ATP9A: variants seen among roughly 807,000 people sequenced by gnomAD.
ATP9A encodes the protein ATPase phospholipid transporting 9A, also known as probable phospholipid-transporting ATPase IIA.
Under a neutral mutation model 144.1 loss-of-function variants are expected in ATP9A, and 52 were observed. That is an observed-to-expected ratio of 0.36 (90% CI 0.29 to 0.45). ATP9A has a LOEUF of 0.45. ATP9A is among the 20% of genes least tolerant of loss of function. ATP9A has a pLI of 1.00. For synonymous variants in ATP9A, 582 were observed against 557.4 expected, an observed-to-expected ratio of 1.04 and a Z score of -0.62; for missense variants, 947 against 1,392.7, an observed-to-expected ratio of 0.68 and a Z score of 5.09.
chr20:51,628,032 C>T (rs2077256524), intron 16 of ATP9A, among the ~76,000 whole-genome samples: 1 of 152,164 alleles, frequency 6.6e-6, no homozygotes, highest in African/African-American at 2.4e-5. Context: ...TCCCAAATAA[C>T]CACAATCAAT....
chr20:51,722,371 A>G (rs926975392), intron 3 of ATP9A, among the ~76,000 whole-genome samples: 6 of 152,248 alleles, frequency 3.9e-5, no homozygotes, highest in African/African-American at 1.4e-4. Flanking sequence ...GAGCTTTTAC[A>G]CGGCAAGAGG....
At chr20:51,688,157 G>C (rs915084305) in intron 9 of ATP9A, among the ~76,000 whole-genome samples, 2 of 152,212 alleles carry the variant, frequency 1.3e-5, no homozygotes, top group Non-Finnish European at 2.9e-5. Flanking sequence ...GGTGCCGTTA[G>C]GAGGGTTAAG....
At chr20:51,601,830 C>T (rs1011244713) in intron 27 of ATP9A, among the ~76,000 whole-genome samples, 2 of 152,004 alleles carry the variant, frequency 1.3e-5, no homozygotes, top group South Asian at 2.1e-4. Context: ...CATCTGAGCC[C>T]GGGGAGCTTG....
At chr20:51,633,798 G>C (rs1601070103) in intron 15 of ATP9A, among the ~76,000 whole-genome samples, 1 of 145,566 alleles carries the variant, frequency 6.9e-6, no homozygotes, top group Non-Finnish European at 1.5e-5. Flanking sequence ...GCAAAAAAAA[G>C]AAAGAAAGAA....
intron 1 of ATP9A, among the ~76,000 whole-genome samples, chr20:51,747,689 G>C (rs1261411993): frequency 6.6e-6 from 1 of 152,138 alleles, no homozygotes; most frequent in Non-Finnish European, 1.5e-5. Context: ...GCCTTTCCCT[G>C]TTTCTCCATC....
At chr20:51,746,063 C>T (rs751923777) in intron 1 of ATP9A, among the ~76,000 whole-genome samples, 1 of 152,174 alleles carries the variant, frequency 6.6e-6, no homozygotes, top group African/African-American at 2.4e-5. Context: ...ATCCTCAGCA[C>T]ATTAACACAG....
chr20:51,734,003 G>A (rs1429039386), intron 1 of ATP9A, among the ~76,000 whole-genome samples: 4 of 151,906 alleles, frequency 2.6e-5, no homozygotes, highest in African/African-American at 9.7e-5. Flanking sequence ...TTAAGATGGG[G>A]TCTCACTCTG....
chr20:51,652,912 A>G (rs369638297), intron 14 of ATP9A, among the ~76,000 whole-genome samples: 2 of 152,102 alleles, frequency 1.3e-5, no homozygotes, highest in African/African-American at 4.8e-5. Flanking sequence ...ATCGAGACCA[A>G]CCTGGCTAAC....
chr20:51,668,265 CGAG>C (rs1235666969), intron 13 of ATP9A, among the ~76,000 whole-genome samples: 2 of 149,956 alleles, frequency 1.3e-5, no homozygotes, highest in Non-Finnish European at 3.0e-5. Flanking sequence ...GCTGGGGTGA[CGAG>C]GGTACCAGGA....
rs950394106 is a variant in ATP9A at position 51,597,820 on chromosome 20, C to T, written c.*3391G>A. ...ATACATTAAAAAGTAGCATGGCTTA[C>T]ATTTTCAGCAGAGAAGAAACTGAGG... On this transcript the variant is annotated 3_prime_UTR_variant, in exon 28 of 28. Transcript: ENST00000338821. 1 of 151,640 alleles carries T rather than the reference C, an allele frequency of 6.6e-6. No individual in the cohort carries two copies. The highest frequency in any genetic ancestry group is 2.4e-5 in the African/African-American group (1 of 41,224). The allele number at this position is 151,640 out of a possible 1,614,324, so 9.4% of individuals were successfully genotyped here. A position where few individuals can be genotyped will look rare whatever the true frequency, so the allele number is the denominator to read the frequency against.
At chr20:51,672,325 G>T (rs549402944) in intron 11 of ATP9A, among the ~76,000 whole-genome samples, 28 of 152,244 alleles carry the variant, frequency 1.8e-4, no homozygotes, top group African/African-American at 5.8e-4. Context: ...GTAAATAGAA[G>T]TCTTCACATT....
chr20:51,766,131 T>C (rs777698371), intron 1 of ATP9A, among the ~76,000 whole-genome samples: 1 of 152,170 alleles, frequency 6.6e-6, no homozygotes, highest in Non-Finnish European at 1.5e-5. Context: ...TGAACAATAT[T>C]TGCATTTTTC....
intron 1 of ATP9A, among the ~76,000 whole-genome samples, chr20:51,746,050 AT>A (rs2077806568): frequency 6.6e-6 from 1 of 152,244 alleles, no homozygotes; most frequent in Admixed American, 6.5e-5. Context: ...GCTGGAGGCT[AT>A]TATCCTCAGC....
intron 12 of ATP9A, among the ~76,000 whole-genome samples, 171 bp downstream of exon 12, chr20:51,670,944 T>A (rs2077453136): frequency 1.3e-5 from 2 of 152,066 alleles, no homozygotes. Context: ...TGCACATAAT[T>A]CTGTTATCAT....
rs77903651 is a variant in ATP9A, at chr20:51,618,218, TA to T, written c.2350+443del. The stretch of plus-strand genomic sequence containing the variant: ...TGGGCAACAGAGTGTGACTCCGTCT[TA>T]AAAAAAAAAAAAAAGGTGACCCCTT... On this transcript the variant is annotated intron_variant, in intron 21 of 27. Transcript: ENST00000338821. 4.8e-3 allele frequency among the ~76,000 whole-genome samples: 658 copies of T among 136,788 alleles called. 3 individuals are homozygous for T. Among genetic ancestry groups the T allele is most frequent in the African/African-American group, 5.9e-3 (220 of 37,412 alleles). 89.7% of individuals were successfully genotyped at this position (136,788 alleles called of 152,430 possible).
intron 15 of ATP9A, among the ~76,000 whole-genome samples, chr20:51,637,516 G>A (rs2077297433): frequency 6.6e-6 from 1 of 152,018 alleles, no homozygotes; most frequent in African/African-American, 2.4e-5. Context: ...ATTTCAGTGT[G>A]ATGAATGCTA....
chr20:51,659,806 G>T (rs143663861), intron 13 of ATP9A, among the ~76,000 whole-genome samples: 1 of 152,154 alleles, frequency 6.6e-6, no homozygotes, highest in Non-Finnish European at 1.5e-5. Context: ...GACTCCTCAG[G>T]TAATTAGACA....
chr20:51,636,093 C>T (rs767807409), intron 15 of ATP9A, among the ~76,000 whole-genome samples: 6 of 152,080 alleles, frequency 3.9e-5, no homozygotes, highest in Admixed American at 3.9e-4. Context: ...AAATTAACAA[C>T]AATAACTTAT....
At chr20:51,612,914 A>G (rs2077189985) in intron 23 of ATP9A, among the ~76,000 whole-genome samples, 1 of 152,190 alleles carries the variant, frequency 6.6e-6, no homozygotes, top group African/African-American at 2.4e-5. Context: ...AGTCAATCTC[A>G]GTGCCAAGTG....
Sources: allele counts gnomAD v4.1 joint callset (sites outside exome capture counted in the v4.1 genomes callset), GRCh38; gene constraint gnomAD v4.1.1; transcripts MANE v1.5; gene names NCBI Gene and HGNC (gene_info 2026-07-23, HGNC 2026-07-21).